Variants in CNTLN observed in about 807,000 individuals in gnomAD.
CNTLN encodes centlein, centrosomal protein.
A neutral mutation model predicts 180.0 loss-of-function variants in CNTLN; 212 were observed. That is an observed-to-expected ratio of 1.18 (90% CI 1.05 to 1.32). The LOEUF is 1.32. Ranked by LOEUF, CNTLN falls within the 40% of genes most tolerant of loss-of-function variation. The pLI, the probability that CNTLN is intolerant of heterozygous loss-of-function variation, is 0.00. For missense variants in CNTLN, 2,095 were observed against 1,610.9 expected (o/e 1.30, Z -5.14); for synonymous variants, 722 against 563.1 (o/e 1.28, Z -3.99).
intron 2 of CNTLN, among the ~76,000 whole-genome samples, chr9:17,150,582 A>T (rs1342692038): frequency 1.3e-5 from 2 of 152,170 alleles, no homozygotes; most frequent in Non-Finnish European, 2.9e-5. Context: ...GTCAGGTAGC[A>T]TGATGCCTCC....
intron 2 of CNTLN, among the ~76,000 whole-genome samples, chr9:17,217,166 T>C (rs1417984352): frequency 6.6e-6 from 1 of 152,268 alleles, no homozygotes; most frequent in Non-Finnish European, 1.5e-5. Context: ...ATTAAATAAT[T>C]GTGAGATTAT....
At chr9:17,508,449 G>A (rs922012607), downstream of CNTLN, among the ~76,000 whole-genome samples, 2 of 152,012 alleles carry the variant, frequency 1.3e-5, no homozygotes, top group East Asian at 1.9e-4. Flanking sequence ...CATTCACTTC[G>A]TTGGAGTGTT....
intron 18 of CNTLN, among the ~76,000 whole-genome samples, chr9:17,418,588 T>C (rs1828452476): frequency 6.6e-6 from 1 of 152,026 alleles, no homozygotes; most frequent in Non-Finnish European, 1.5e-5. Flanking sequence ...AAGTTCAGCC[T>C]TTCTTTTCCT....
At chr9:17,226,036 A>C (rs1352331784) in intron 2 of CNTLN, among the ~76,000 whole-genome samples, 167 bp from the exon 3 acceptor site, 2 of 149,168 alleles carry the variant, frequency 1.3e-5, no homozygotes, top group South Asian at 4.3e-4. Flanking sequence ...TTTTAGTATG[A>C]AGTTGTCTTA....
intron 18 of CNTLN, among the ~76,000 whole-genome samples, chr9:17,421,175 T>C (rs1220643341): frequency 6.6e-6 from 1 of 152,076 alleles, no homozygotes; most frequent in East Asian, 1.9e-4. Flanking sequence ...TCTCCAGCTA[T>C]TATTGTATTG....
intron 18 of CNTLN, among the ~76,000 whole-genome samples, chr9:17,424,565 G>GTT (rs1286396573): frequency 6.6e-6 from 1 of 152,154 alleles, no homozygotes; most frequent in Non-Finnish European, 1.5e-5. Context: ...TAGAAAGTCT[G>GTT]TTGAATGTTT....
chr9:17,150,859 C>T (rs1462987322), intron 2 of CNTLN, among the ~76,000 whole-genome samples: 1 of 152,140 alleles, frequency 6.6e-6, no homozygotes, highest in Non-Finnish European at 1.5e-5. Flanking sequence ...TTGAACAGGT[C>T]CTTCACATCC....
At chr9:17,367,676 C>A (rs1056858790) in intron 13 of CNTLN, among the ~76,000 whole-genome samples, 1 of 152,040 alleles carries the variant, frequency 6.6e-6, no homozygotes, top group African/African-American at 2.4e-5. Context: ...GGATAGGGCG[C>A]TAGTTAGATT....
Position 17,409,465 on chromosome 9 carries a change from A to C in CNTLN, c.2788A>C (p.Thr930Pro). The change falls in exon 16 of 26, where the codon ACC (threonine) becomes CCC (proline). Residue 930 changes from threonine to proline, a missense_variant. Transcript: ENST00000380647. ...VQTYLNIDGK[T>P]PKDYFHDKNA... ...GACATATTTAAATATAGATGGCAAGACCCCAAAGGTAAATGACATGATTTT... is the reference window on the plus strand; with the variant it reads ...GACATATTTAAATATAGATGGCAAGCCCCCAAAGGTAAATGACATGATTTT... 6.3e-7 allele frequency: 1 copy of C among 1,592,118 alleles called. No homozygotes were observed. Among genetic ancestry groups the C allele is most frequent in the Non-Finnish European group, 8.5e-7 (1 of 1,173,122 alleles).
chr9:17,195,259 G>A (rs557136271), intron 2 of CNTLN, among the ~76,000 whole-genome samples: 4 of 152,190 alleles, frequency 2.6e-5, no homozygotes, highest in Non-Finnish European at 4.4e-5. Flanking sequence ...GTTACTGAAA[G>A]CTAAGTCGGT....
chr9:17,348,679 C>T (rs922648589), intron 12 of CNTLN, among the ~76,000 whole-genome samples: 5 of 151,952 alleles, frequency 3.3e-5, no homozygotes, highest in East Asian at 1.9e-4. Flanking sequence ...TATAGGCATG[C>T]GTCACCACGC....
At chr9:17,365,058 C>A (rs373682546) in intron 12 of CNTLN, among the ~76,000 whole-genome samples, 44 of 152,288 alleles carry the variant, frequency 2.9e-4, no homozygotes, top group East Asian at 2.5e-3. Context: ...CCAGGTAGGG[C>A]CATGGGTCTA....
chr9:17,296,150 A>G (rs932573106), intron 6 of CNTLN, among the ~76,000 whole-genome samples: 3 of 151,678 alleles, frequency 2.0e-5, no homozygotes, highest in Non-Finnish European at 4.4e-5. Context: ...CTACAGATGT[A>G]TGCTACCATG....
chr9:17,415,546 A>T (rs1232014831), intron 16 of CNTLN, among the ~76,000 whole-genome samples: 3 of 152,108 alleles, frequency 2.0e-5, no homozygotes, highest in Admixed American at 6.6e-5. Flanking sequence ...ATAGAATTTT[A>T]TCATCTAGAG....
chr9:17,297,491 A>T (rs960798839), intron 6 of CNTLN, among the ~76,000 whole-genome samples: 1 of 152,164 alleles, frequency 6.6e-6, no homozygotes, highest in Non-Finnish European at 1.5e-5. Context: ...CAACCACAGC[A>T]ATCTGGAAAC....
chr9:17,524,277 T>C, the CNTLN span, among the ~76,000 whole-genome samples: 2 of 152,298 alleles, frequency 1.3e-5, no homozygotes, highest in East Asian at 3.9e-4. Flanking sequence ...GATCTGCCAT[T>C]GGTAATAGAG....
intron 18 of CNTLN, among the ~76,000 whole-genome samples, chr9:17,430,501 G>A (rs914359356): frequency 8.6e-5 from 13 of 151,934 alleles, no homozygotes; most frequent in Non-Finnish European, 1.5e-5. Flanking sequence ...TATGCATTGT[G>A]TGGGTAATTA....
intron 12 of CNTLN, among the ~76,000 whole-genome samples, chr9:17,357,832 G>T (rs1019562754): frequency 6.6e-6 from 1 of 151,416 alleles, no homozygotes; most frequent in South Asian, 2.1e-4. Flanking sequence ...GAATGCTAAT[G>T]ACTAAATAAT....
At chr9:17,391,019 C>CATAA in intron 14 of CNTLN, among the ~76,000 whole-genome samples, 1 of 152,220 alleles carries the variant, frequency 6.6e-6, no homozygotes, top group East Asian at 1.9e-4. Flanking sequence ...ACGAGAAATA[C>CATAA]ATAACATTTA....
Sources: gnomAD v4.1 joint callset for allele counts (sites outside exome capture counted in the v4.1 genomes callset) on GRCh38, gnomAD v4.1.1 for gene constraint, MANE v1.5 for transcripts, NCBI Gene and HGNC (gene_info 2026-07-23, HGNC 2026-07-21) for gene names.